PASK: variants seen among roughly 807,000 people sequenced by gnomAD.
PASK encodes the protein PAS domain containing serine/threonine kinase, also known as PAS domain-containing serine/threonine-protein kinase.
Under a neutral mutation model 121.0 loss-of-function variants are expected in PASK, and 110 were observed. The ratio of observed to expected loss-of-function variants is 0.91; its 90% CI spans 0.78 to 1.06. The LOEUF is 1.06. Ranked by LOEUF, PASK falls within the 50% of genes least tolerant of loss-of-function variation. The probability of loss-of-function intolerance (pLI) is 0.00; values close to 1 mark genes in which losing one functional copy is unlikely to be tolerated. For synonymous variants in PASK, 686 were observed against 717.8 expected, an observed-to-expected ratio of 0.96 and a Z score of 0.71; for missense variants, 1,643 against 1,702.3, an observed-to-expected ratio of 0.97 and a Z score of 0.61.
In PASK at chr2:241,127,103, G is replaced by GC. The variant is rs769655744; in HGVS notation, c.1811dup (p.Ser605GlnfsTer12). 65 of 1,613,896 alleles carry GC rather than the reference G, an allele frequency of 4.0e-5. No individual in the cohort carries two copies. The highest frequency in any genetic ancestry group is 5.0e-5 in the Non-Finnish European group (59 of 1,180,012). ...AGCAAGGGCAGTGCATCAGGAGGCT[G>GC]CCCCCCGCCAGCTGACCCTTGGCCT... On this transcript the variant is annotated frameshift_variant, in exon 10 of 18. Transcript: ENST00000234040. LOFTEE classifies it high-confidence loss of function.
At chr2:241,119,887 G>C (rs1381686618) in intron 12 of PASK, among the ~76,000 whole-genome samples, 1 of 152,138 alleles carries the variant, frequency 6.6e-6, no homozygotes, top group Non-Finnish European at 1.5e-5. Context: ...CCTCTATTCA[G>C]AGTCATCTTG....
chr2:241,148,089 G>T (rs1283215907), intron 1 of PASK, among the ~76,000 whole-genome samples: 1 of 152,104 alleles, frequency 6.6e-6, no homozygotes, highest in African/African-American at 2.4e-5. Flanking sequence ...ATACCTGCAC[G>T]TCCAGGCCCA....
chr2:241,126,133 T>C (rs2065847439), intron 10 of PASK, 63 bp downstream of exon 10: 1 of 1,461,314 alleles, frequency 6.8e-7, no homozygotes, highest in African/African-American at 1.4e-5. Context: ...AGGAAGGCCC[T>C]GCACCCCCAC....
At chr2:241,121,570 T>C (rs889809790) in intron 12 of PASK, among the ~76,000 whole-genome samples, 2 of 152,160 alleles carry the variant, frequency 1.3e-5, no homozygotes, top group South Asian at 2.1e-4. Context: ...ACACCTCAAT[T>C]AGAGACTTTC....
chr2:241,135,216 C>T (rs1336929964), intron 8 of PASK, among the ~76,000 whole-genome samples: 1 of 152,204 alleles, frequency 6.6e-6, no homozygotes, highest in East Asian at 1.9e-4. Context: ...TAAATTAAAA[C>T]TATGTGGGAT....
chr2:241,139,978 C>A lies in PASK; in HGVS notation c.507G>T (p.Gln169His). 2 of 1,614,090 alleles carry A rather than the reference C, an allele frequency of 1.2e-6. No individual in the cohort carries two copies. Among genetic ancestry groups the A allele is most frequent in the Non-Finnish European group, 1.7e-6 (2 of 1,179,908 alleles). Residue 169 changes from glutamine to histidine, a missense_variant, in exon 4 of 18, where the codon CAG becomes CAT. Coordinates refer to ENST00000234040, the MANE Select transcript of PASK (RefSeq NM_015148.4). Reference sequence around the variant, plus strand: ...CATCAGAATCTGACCTCAGAAAGAACTGCGTGAGCTTCTGGCCAATCAGGT... The same window carrying A: ...CATCAGAATCTGACCTCAGAAAGAAATGCGTGAGCTTCTGGCCAATCAGGT... The part of the protein sequence containing the change: ...SQDLIGQKLT[Q>H]FFLRSDSDVV...
At chr2:241,124,180 T>A in intron 10 of PASK, 47 bp from the exon 11 acceptor site, 1 of 1,510,526 alleles carries the variant, frequency 6.6e-7, no homozygotes, top group South Asian at 1.1e-5. Context: ...CTGACCTGGC[T>A]AGACAGCAGC....
At chr2:241,117,929 CAT>C (rs2065445125) in intron 12 of PASK, among the ~76,000 whole-genome samples, 1 of 151,872 alleles carries the variant, frequency 6.6e-6, no homozygotes, top group Non-Finnish European at 1.5e-5. Flanking sequence ...AGAAACTGGA[CAT>C]AAAAATAATG....
At position 241,115,431 on chromosome 2, in the gene PASK, C is replaced by T. The variant is rs757451606; in HGVS notation, c.3073-18G>A. On this transcript the variant is annotated intron_variant, in intron 12 of 17. Transcript: ENST00000234040. ...ACCACCACCTGTGAGGAAGACAGAG[C>T]GTAGTGGAAATAGCTGGAGCCAGTC... 12 of 1,613,564 alleles carry T rather than the reference C, an allele frequency of 7.4e-6. No individual in the cohort carries two copies. The Admixed American group carries it at 8.3e-5, about 11-fold the overall frequency.
chr2:241,139,935 C>G lies in PASK; in HGVS notation c.550G>C (p.Glu184Gln), dbSNP rs374134139. The change falls in exon 4 of 18, where the codon GAG becomes CAG. Residue 184 changes from glutamate (E) to glutamine (Q), a missense_variant. Coordinates refer to ENST00000234040, the MANE Select transcript of PASK (RefSeq NM_015148.4). Reference sequence around the variant, plus strand: ...TGGCCGTCGGCCTCCATGTGCTCCTCGCTGAGGGCCTCCACCACATCAGAA... The same window carrying G: ...TGGCCGTCGGCCTCCATGTGCTCCTGGCTGAGGGCCTCCACCACATCAGAA... ...SDSDVVEALS[E>Q]EHMEADGHAA... 11 of 1,614,074 alleles carry G rather than the reference C, an allele frequency of 6.8e-6. No homozygotes were observed. The highest frequency in any genetic ancestry group is 9.3e-6 in the Non-Finnish European group (11 of 1,180,016).
chr2:241,138,159 A>G lies in PASK; in HGVS notation c.742-72T>C. On this transcript the variant is annotated intron_variant, in intron 5 of 17. Coordinates refer to ENST00000234040, the MANE Select transcript of PASK (RefSeq NM_015148.4). Reference sequence around the variant, plus strand: ...GCTGTAAATTTAACTAAGCTTCAATATGTTCAAGCCAAAAGCAAGACCCCA... The same window carrying G: ...GCTGTAAATTTAACTAAGCTTCAATGTGTTCAAGCCAAAAGCAAGACCCCA... The G allele has an allele frequency of 2.0e-5, 31 of 1,541,802 alleles. No homozygotes were observed. In the South Asian group the frequency reaches 3.6e-4, roughly 18 times the overall value.
At chr2:241,115,209 C>G in intron 13 of PASK, 32 bp from the exon 14 acceptor site, 1 of 1,614,042 alleles carries the variant, frequency 6.2e-7, no homozygotes, top group Non-Finnish European at 8.5e-7. Flanking sequence ...TCCAACTCTA[C>G]CAAAACATCT....
At chr2:241,115,002 A>T (rs370601222) in intron 14 of PASK, 41 bp downstream of exon 14, 127 of 1,613,736 alleles carry the variant, frequency 7.9e-5, no homozygotes, top group Non-Finnish European at 1.0e-4. Context: ...CCAGGCACCC[A>T]GGCCTGCGTT....
intron 17 of PASK, among the ~76,000 whole-genome samples, chr2:241,107,121 A>AC (rs933763891): frequency 1.3e-5 from 2 of 151,914 alleles, no homozygotes; most frequent in African/African-American, 4.8e-5. Context: ...ACACCTGCCC[A>AC]CCCTCCAAGG....
Position 241,126,901 on chromosome 2 carries a change from C to G in PASK, c.2014G>C (p.Ala672Pro). 6.2e-7 allele frequency: 1 copy of G among 1,613,848 alleles called. No individual in the cohort carries two copies. ...IKEQLSQLSLAGALDVPHAEL... is the reference protein window; with the variant it reads ...IKEQLSQLSLPGALDVPHAEL... ...GCGTGGGGGACATCCAGGGCTCCTG[C>G]AAGGCTCAACTGGGACAGCTGCTCC... The change falls in exon 10 of 18, where the codon GCA becomes CCA. Residue 672 changes from alanine to proline, a missense_variant. Coordinates refer to ENST00000234040, the MANE Select transcript of PASK (RefSeq NM_015148.4).
intron 9 of PASK, 54 bp from the exon 10 acceptor site, chr2:241,127,505 G>A (rs1426040237): frequency 2.2e-6 from 3 of 1,374,204 alleles, no homozygotes; most frequent in Non-Finnish European, 1.0e-6. Context: ...GAGTCAAAAG[G>A]AGAGATTGCA....
Position 241,138,719 on chromosome 2 carries a change from G to C in PASK, c.676C>G (p.Leu226Val). 1 of 1,614,044 alleles carries C rather than the reference G, an allele frequency of 6.2e-7. No individual in the cohort carries two copies. Among genetic ancestry groups the C allele is most frequent in the Non-Finnish European group, 8.5e-7 (1 of 1,179,916 alleles). ...WMKRMRQERR[L>V]CCVVVLEPVE... ...GGCTCCAGGACCACCACGCAGCATA[G>C]GCGGCGCTCCTGCCGCATCCTCTTC... is the stretch of plus-strand genomic sequence containing the variant. Residue 226 changes from leucine to valine, a missense_variant, in exon 5 of 18, where the codon CTA becomes GTA. Physicochemically the swap from Leu to Val is conservative, Grantham distance 32. Transcript: ENST00000234040.
At position 241,106,170 on chromosome 2, in the gene PASK, CA is replaced by C. The variant is rs755015939; in HGVS notation, c.*395del. The C allele has an allele frequency of 3.7e-4, 91 of 244,288 alleles. No homozygotes were observed. The highest frequency in any genetic ancestry group is 5.7e-4 in the Admixed American group (11 of 19,372). 15.1% of individuals were successfully genotyped at this position (244,288 alleles called of 1,614,324 possible). On this transcript the variant is annotated 3_prime_UTR_variant, in exon 18 of 18. Coordinates refer to ENST00000234040, the MANE Select transcript of PASK (RefSeq NM_015148.4). Reference sequence around the variant, plus strand: ...AAATAAATTAATGAAATAGTCTGGCCATTTGACTAACCAGTTCTACAAATTT... The same window carrying C: ...AAATAAATTAATGAAATAGTCTGGCCTTTGACTAACCAGTTCTACAAATTT...
intron 2 of PASK, chr2:241,140,972 A>G (rs575098404): frequency 7.4e-5 from 44 of 593,856 alleles, no homozygotes; most frequent in African/African-American, 5.9e-4. Flanking sequence ...CACAAACAGC[A>G]TAAGATCAAC....
Sources: allele counts gnomAD v4.1 joint callset (sites outside exome capture counted in the v4.1 genomes callset), GRCh38; gene constraint gnomAD v4.1.1; transcripts MANE v1.5; gene names NCBI Gene and HGNC (gene_info 2026-07-23, HGNC 2026-07-21).